ABLIM3: variants seen among roughly 807,000 people sequenced by gnomAD.
ABLIM3 encodes the protein actin-binding LIM protein 3.
ABLIM3 carries 61 observed loss-of-function variants against 109.5 expected under a neutral mutation model. That is an observed-to-expected ratio of 0.56 (90% CI 0.45 to 0.69). The LOEUF (loss-of-function observed/expected upper bound fraction) is 0.69. Among genes scored for constraint, ABLIM3 ranks in the 30% least tolerant of loss-of-function variants. The pLI is 0.00. For synonymous variants in ABLIM3, 300 were observed against 324.8 expected, an observed-to-expected ratio of 0.92 and a Z score of 0.82; for missense variants, 796 against 889.5, an observed-to-expected ratio of 0.89 and a Z score of 1.34.
At chr5:149,249,586 G>A (rs1224843216) in intron 18 of ABLIM3, among the ~76,000 whole-genome samples, 1 of 152,158 alleles carries the variant, frequency 6.6e-6, no homozygotes, top group East Asian at 1.9e-4. Context: ...ATATCACAGA[G>A]CACCTGCCCT....
At chr5:149,200,453 C>T (rs750132789) in intron 5 of ABLIM3, 25 bp downstream of exon 5, 1 of 1,604,212 alleles carries the variant, frequency 6.2e-7, no homozygotes, top group South Asian at 1.1e-5. Context: ...CGGGTATCTC[C>T]CTGTCCATGG....
At chr5:149,195,000 AT>A (rs2127491505) in intron 3 of ABLIM3, among the ~76,000 whole-genome samples, 1 of 152,326 alleles carries the variant, frequency 6.6e-6, no homozygotes, top group South Asian at 2.1e-4. Flanking sequence ...TGAATAATGA[AT>A]TAGATCACCC....
At chr5:149,238,345 G>A (rs1752447877) in intron 11 of ABLIM3, among the ~76,000 whole-genome samples, 1 of 152,118 alleles carries the variant, frequency 6.6e-6, no homozygotes. Context: ...CCAGGTTCTT[G>A]TCCCAGCTCC....
chr5:149,166,859 T>G (rs1397421917), intron 2 of ABLIM3, among the ~76,000 whole-genome samples: 2 of 152,184 alleles, frequency 1.3e-5, no homozygotes, highest in East Asian at 3.9e-4. Context: ...TGTAAATGAG[T>G]AAGCAAGACT....
chr5:149,231,245 C>T (rs139503443), intron 9 of ABLIM3, among the ~76,000 whole-genome samples: 2 of 152,276 alleles, frequency 1.3e-5, no homozygotes, highest in Non-Finnish European at 1.5e-5. Flanking sequence ...CCCAGGTACG[C>T]GCTGGGCCAG....
At chr5:149,221,982 T>C (rs888929157) in intron 8 of ABLIM3, among the ~76,000 whole-genome samples, 2 of 152,148 alleles carry the variant, frequency 1.3e-5, no homozygotes, top group Admixed American at 1.3e-4. Context: ...AATTCGCTGT[T>C]ATCATTTGTA....
At chr5:149,147,831 G>C (rs976610037) in intron 2 of ABLIM3, among the ~76,000 whole-genome samples, 2 of 152,164 alleles carry the variant, frequency 1.3e-5, no homozygotes, top group Non-Finnish European at 2.9e-5. Flanking sequence ...GCATACCTCA[G>C]CTGGGAATGG....
chr5:149,176,579 G>A (rs1459906253), intron 2 of ABLIM3, among the ~76,000 whole-genome samples: 1 of 152,028 alleles, frequency 6.6e-6, no homozygotes, highest in Non-Finnish European at 1.5e-5. Context: ...TCAGGTCTCT[G>A]AGTTTCATTC....
chr5:149,224,629 T>C (rs1313055612), intron 8 of ABLIM3, among the ~76,000 whole-genome samples: 4 of 152,214 alleles, frequency 2.6e-5, no homozygotes, highest in Non-Finnish European at 5.9e-5. Context: ...GTCTCCCTTT[T>C]ACTGCTCTCC....
chr5:149,249,575 A>G (rs185889515), intron 18 of ABLIM3, among the ~76,000 whole-genome samples: 2 of 152,264 alleles, frequency 1.3e-5, no homozygotes, highest in East Asian at 1.9e-4. Flanking sequence ...CTGTGCAACA[A>G]ATATCACAGA....
Position 149,251,422 on chromosome 5 carries a change from G to A in ABLIM3, c.1849+3G>A. The stretch of plus-strand genomic sequence containing the variant: ...CGCAGTCAACTGGGGCATGCGAGGT[G>A]AGTGCAGGCCTGCAGGGGGTCTGCA... On this transcript the variant is annotated splice_donor_region_variant and intron_variant, in intron 21 of 23. Transcript: ENST00000309868. 1 of 1,614,086 alleles carries A rather than the reference G, an allele frequency of 6.2e-7. No homozygotes were observed. The highest frequency in any genetic ancestry group is 8.5e-7 in the Non-Finnish European group (1 of 1,179,998).
intron 2 of ABLIM3, among the ~76,000 whole-genome samples, chr5:149,178,891 T>C (rs1756211270): frequency 2.6e-5 from 4 of 152,110 alleles, no homozygotes; most frequent in South Asian, 4.2e-4. Context: ...AAAGAGGGAA[T>C]TGGGGCCAAA....
At chr5:149,252,613 C>T in intron 22 of ABLIM3, 144 bp from the exon 23 acceptor site, 1 of 684,012 alleles carries the variant, frequency 1.5e-6, no homozygotes, top group East Asian at 2.5e-5. Flanking sequence ...TGGGCAACCC[C>T]AAGAAGGGCA....
chr5:149,154,985 A>G lies in ABLIM3; in HGVS notation c.13+12877A>G, dbSNP rs1356443758. 3.3e-5 allele frequency among the ~76,000 whole-genome samples: 5 copies of G among 152,376 alleles called. No individual in the cohort carries two copies. In the East Asian group the frequency reaches 9.6e-4, roughly 29 times the overall value. On this transcript the variant is annotated intron_variant, in intron 2 of 23. Coordinates refer to ENST00000309868, the MANE Select transcript of ABLIM3 (RefSeq NM_014945.5). ...TATTTGGCTCCAAATCACAAAGTTA[A>G]GAAAAGTGATGGAGCCTTGAGTGAA...
In ABLIM3 at chr5:149,198,722, TCA is replaced by T. The variant is rs1758215806; in HGVS notation, c.335+321_335+322del. Among the ~76,000 whole-genome samples the T allele has an allele frequency of 6.6e-6, 1 of 152,212 alleles. No individual in the cohort carries two copies. Among genetic ancestry groups the T allele is most frequent in the Admixed American group, 6.5e-5 (1 of 15,290 alleles). ...AAGAAACCACTGATTCTCTCAGAAC[TCA>T]GTTTGGAAACTGTGGATCTGGCCCA... On this transcript the variant is annotated intron_variant, in intron 4 of 23. Coordinates refer to ENST00000309868, the MANE Select transcript of ABLIM3 (RefSeq NM_014945.5). The surrounding 1 kb of genome is among the most constrained non-coding windows in gnomAD (Gnocchi z 4.2).
intron 12 of ABLIM3, among the ~76,000 whole-genome samples, chr5:149,239,539 A>T (rs1482468954): frequency 6.6e-6 from 1 of 152,044 alleles, no homozygotes; most frequent in African/African-American, 2.4e-5. Context: ...GACCCCATAG[A>T]TTCCATTCAA....
rs1283455793 is a variant in ABLIM3, at chr5:149,247,909, A to G, written c.1679A>G (p.Tyr560Cys). 2 of 1,614,026 alleles carry G rather than the reference A, an allele frequency of 1.2e-6. No individual in the cohort carries two copies. The highest frequency in any genetic ancestry group is 1.3e-5 in the African/African-American group (1 of 74,936). ...CGGGAAGCCCTGCACACAGCTGGCT[A>G]TGAGATGTCCCTCAATGGCTGTAAG... ...SSREALHTAG[Y>C]EMSLNGSPRS... Residue 560 changes from tyrosine (Y) to cysteine (C), a missense_variant, in exon 18 of 24, where the codon TAT (tyrosine) becomes TGT (cysteine). Coordinates refer to ENST00000309868, the MANE Select transcript of ABLIM3 (RefSeq NM_014945.5).
intron 8 of ABLIM3, chr5:149,217,852 A>G (rs1382059803): frequency 1.3e-5 from 2 of 152,258 alleles, no homozygotes; most frequent in Non-Finnish European, 2.9e-5. Context: ...CATCCACTCA[A>G]TGATTGTTTC....
intron 1 of ABLIM3, 48 bp from the exon 2 acceptor site, chr5:149,141,961 G>A (rs555152542): frequency 3.2e-6 from 4 of 1,259,654 alleles, no homozygotes; most frequent in African/African-American, 1.5e-5. Context: ...GGGAGAGAGA[G>A]CACCTGAGGA....
Sources: allele counts gnomAD v4.1 joint callset (sites outside exome capture counted in the v4.1 genomes callset), GRCh38; gene constraint gnomAD v4.1.1; non-coding constraint Gnocchi (gnomAD v3.1); transcripts MANE v1.5; gene names NCBI Gene and HGNC (gene_info 2026-07-23, HGNC 2026-07-21).